The following TRPM1 variants were observed in gnomAD, a reference collection of about 807,000 sequenced individuals.
The protein encoded by TRPM1 is transient receptor potential cation channel subfamily M member 1.
TRPM1 carries 113 observed loss-of-function variants against 149.4 expected under a neutral mutation model. That is an observed-to-expected ratio of 0.76 (90% CI 0.65 to 0.88). TRPM1 has a LOEUF of 0.88. TRPM1 is among the 40% of genes least tolerant of loss of function. The pLI, the probability that TRPM1 is intolerant of heterozygous loss-of-function variation, is 0.00. For missense variants in TRPM1, 1,976 were observed against 2,038.7 expected, an observed-to-expected ratio of 0.97 and a Z score of 0.59; for synonymous variants, 741 against 759.5, an observed-to-expected ratio of 0.98 and a Z score of 0.40.
intron 1 of TRPM1, among the ~76,000 whole-genome samples, chr15:31,154,714 G>A (rs529705052): frequency 1.3e-5 from 2 of 152,164 alleles, no homozygotes; most frequent in Non-Finnish European, 2.9e-5. Context: ...GAGGCTACAA[G>A]ATTCTGACCC....
intron 1 of TRPM1, among the ~76,000 whole-genome samples, chr15:31,113,893 G>T (rs1463346912): frequency 6.6e-6 from 1 of 152,204 alleles, no homozygotes; most frequent in Non-Finnish European, 1.5e-5. Flanking sequence ...TGACTTTGCT[G>T]GCTAACGGGT....
rs561717036 is a variant in TRPM1, at chr15:31,002,199, G to A, written c.4501C>T (p.Arg1501Cys). 2.0e-4 allele frequency: 320 copies of A among 1,614,224 alleles called. 5 individuals carry two copies. In the South Asian group the frequency reaches 2.4e-3, roughly 12 times the overall value. ...TAAGGAATATCTGTGCTATGAGAGC[G>A]CGTGATCTTTTGAACTTGGCATTGC... ...EWQCQVQKIT[R>C]SHSTDIPYIV... Residue 1501 changes from arginine to cysteine, a missense_variant, in exon 28 of 28, where the codon CGC becomes TGC. This residue lies in a region of TRPM1 where 572 missense variants were observed against 578.9 expected (regional missense o/e 0.99). Transcript: ENST00000256552.
intron 1 of TRPM1, 88 bp downstream of exon 1, chr15:31,101,569 T>G: frequency 8.6e-5 from 70 of 811,376 alleles, no homozygotes; most frequent in South Asian, 1.7e-4. Context: ...TATCTGCACC[T>G]GAGTTTGTCC....
At chr15:31,123,123 C>T (rs74729692) in intron 1 of TRPM1, among the ~76,000 whole-genome samples, 3 of 152,158 alleles carry the variant, frequency 2.0e-5, no homozygotes, top group Non-Finnish European at 2.9e-5. Flanking sequence ...GATGCTGGGA[C>T]AACTGAGATC....
intron 11 of TRPM1, among the ~76,000 whole-genome samples, chr15:31,058,874 G>C (rs1002500126): frequency 2.0e-5 from 3 of 152,296 alleles, no homozygotes; most frequent in Non-Finnish European, 4.4e-5. Context: ...TTGAGGTCAG[G>C]AGTTTGAGAC....
rs745545758 is a variant in TRPM1, at chr15:31,046,243, G to A, written c.1765-10C>T. On this transcript the variant is annotated splice_polypyrimidine_tract_variant and intron_variant, in intron 15 of 27. Transcript: ENST00000256552. ...GTTTAAGAGCTTTAGGCTGCATGGTGAAAGAGGAAGAAAAAAAATCAATTT... is the reference window on the plus strand; with the variant it reads ...GTTTAAGAGCTTTAGGCTGCATGGTAAAAGAGGAAGAAAAAAAATCAATTT... The A allele has an allele frequency of 4.3e-6, 7 of 1,613,272 alleles. No homozygotes were observed. Among genetic ancestry groups the A allele is most frequent in the Non-Finnish European group, 5.1e-6 (6 of 1,179,572 alleles).
intron 5 of TRPM1, 26 bp downstream of exon 5, chr15:31,067,853 T>A (rs770410508): frequency 3.7e-6 from 6 of 1,610,062 alleles, no homozygotes. Flanking sequence ...ACATTGATTA[T>A]CGGGAGGGAA....
chr15:31,138,855 G>T lies in TRPM1; in HGVS notation c.54+22051C>A, dbSNP rs141641686. Among the ~76,000 whole-genome samples, 5 of 151,960 alleles carry T rather than the reference G, an allele frequency of 3.3e-5. No individual in the cohort carries two copies. In the East Asian group the frequency reaches 9.6e-4, roughly 29 times the overall value. ...ATGAAGAAAATCTATTTTTAAGGGC[G>T]CTTCCCTTTCTATATGTAAATAATT... On this transcript the variant is annotated intron_variant, in intron 1 of 26. Coordinates refer to the TRPM1 transcript ENST00000542188.
intron 1 of TRPM1, among the ~76,000 whole-genome samples, chr15:31,111,885 CA>C (rs1457989752): frequency 7.9e-5 from 12 of 151,244 alleles, no homozygotes; most frequent in African/African-American, 2.9e-4. Flanking sequence ...TAAAGCAAAA[CA>C]AAGCACCCAC....
intron 1 of TRPM1, among the ~76,000 whole-genome samples, chr15:31,089,093 AAAATC>A (rs1429158677): frequency 6.6e-6 from 1 of 152,214 alleles, no homozygotes; most frequent in Non-Finnish European, 1.5e-5. Context: ...TTAAAAAACA[AAAATC>A]AATACAGAAA....
chr15:31,117,665 T>TACACACACACAC (rs56686910), intron 1 of TRPM1, among the ~76,000 whole-genome samples: 3 of 135,972 alleles, frequency 2.2e-5, no homozygotes, highest in Non-Finnish European at 3.1e-5. Flanking sequence ...AAAAAAAAAA[T>TACACACACACAC]ACACACACAC....
At chr15:31,090,659 AAAG>A (rs1302028832) in intron 1 of TRPM1, among the ~76,000 whole-genome samples, 1 of 151,996 alleles carries the variant, frequency 6.6e-6, no homozygotes, top group African/African-American at 2.4e-5. Context: ...GAAAAAAAAA[AAAG>A]AAACTGCACC....
chr15:31,117,157 C>T (rs1003505725), intron 1 of TRPM1, among the ~76,000 whole-genome samples: 6 of 152,156 alleles, frequency 3.9e-5, no homozygotes, highest in Non-Finnish European at 8.8e-5. Flanking sequence ...CAAGAGCAGC[C>T]TGGCCAACAT....
chr15:31,062,525 G>A, intron 9 of TRPM1, 54 bp downstream of exon 9: 1 of 1,610,108 alleles, frequency 6.2e-7, no homozygotes, highest in South Asian at 1.1e-5. Flanking sequence ...AATTAGAAAA[G>A]GAAACATAAT....
In TRPM1 at chr15:31,061,432, G is replaced by A. The variant is rs1473660381; in HGVS notation, c.1162+10C>T. Reference sequence around the variant, plus strand: ...AGAGGGACAGGAGTCACCATTTCCTGAGAGCTCACCTTTCAGCAGGGCAGT... The same window carrying A: ...AGAGGGACAGGAGTCACCATTTCCTAAGAGCTCACCTTTCAGCAGGGCAGT... On this transcript the variant is annotated intron_variant, in intron 10 of 27. Coordinates refer to ENST00000256552, the MANE Select transcript of TRPM1 (RefSeq NM_001252024.2). 6.2e-7 allele frequency: 1 copy of A among 1,613,874 alleles called. No homozygotes were observed.
intron 4 of TRPM1, among the ~76,000 whole-genome samples, chr15:31,068,495 A>T (rs1049945786): frequency 6.6e-6 from 1 of 152,062 alleles, no homozygotes; most frequent in African/African-American, 2.4e-5. Context: ...TAATCCCAGC[A>T]CTTTGGGAAG....
intron 3 of TRPM1, among the ~76,000 whole-genome samples, chr15:31,075,303 T>G (rs1266737225): frequency 6.6e-6 from 1 of 152,236 alleles, no homozygotes; most frequent in African/African-American, 2.4e-5. Context: ...TTGAATTGTC[T>G]ACTTCTCCCT....
At chr15:31,091,514 T>C (rs559158909) in intron 1 of TRPM1, among the ~76,000 whole-genome samples, 2 of 152,046 alleles carry the variant, frequency 1.3e-5, no homozygotes, top group African/African-American at 4.8e-5. Flanking sequence ...ATGGGGCAGA[T>C]CCGAAGGGCA....
intron 8 of TRPM1, 72 bp from the exon 9 acceptor site, chr15:31,062,774 C>G: frequency 6.5e-7 from 1 of 1,537,418 alleles, no homozygotes; most frequent in Non-Finnish European, 8.9e-7. Context: ...AGACATATCT[C>G]TGTCTTTGAT....
Sources: gnomAD v4.1 joint callset for allele counts (sites outside exome capture counted in the v4.1 genomes callset) on GRCh38, gnomAD v4.1.1 for gene constraint, gnomAD v4.1.1 regional missense constraint, MANE v1.5 for transcripts, NCBI Gene and HGNC (gene_info 2026-07-23, HGNC 2026-07-21) for gene names.